Variants in FGGY observed in about 807,000 individuals in gnomAD.
FGGY encodes FGGY carbohydrate kinase domain containing.
Under a neutral mutation model 71.3 loss-of-function variants are expected in FGGY, and 72 were observed. The observed-to-expected ratio is 1.01, with a 90% CI of 0.84 to 1.23. FGGY has a LOEUF of 1.23. Ranked by LOEUF, FGGY falls within the 50% of genes most tolerant of loss-of-function variation. The pLI is 0.00. For synonymous variants in FGGY, 251 were observed against 250.3 expected, an observed-to-expected ratio of 1.00 and a Z score of -0.02; for missense variants, 668 against 682.3, an observed-to-expected ratio of 0.98 and a Z score of 0.23.
intron 8 of FGGY, among the ~76,000 whole-genome samples, chr1:59,586,773 T>C (rs2096297217): frequency 6.6e-6 from 1 of 151,922 alleles, no homozygotes; most frequent in Admixed American, 6.6e-5. Flanking sequence ...AGGTGACACA[T>C]TGAAGGACTT....
intron 9 of FGGY, among the ~76,000 whole-genome samples, chr1:59,623,503 A>G (rs967429945): frequency 8.5e-5 from 13 of 152,218 alleles, no homozygotes; most frequent in Non-Finnish European, 1.5e-4. Flanking sequence ...TGGTTCACTC[A>G]TCCCACATTT....
intron 5 of FGGY, among the ~76,000 whole-genome samples, chr1:59,450,124 A>G (rs190105511): frequency 6.4e-4 from 98 of 152,296 alleles, no homozygotes; most frequent in African/African-American, 2.3e-3. Context: ...TATATTCTAT[A>G]TAATTATTCC....
intron 5 of FGGY, among the ~76,000 whole-genome samples, chr1:59,439,630 A>G (rs547067853): frequency 1.3e-5 from 2 of 152,276 alleles, no homozygotes; most frequent in South Asian, 2.1e-4. Flanking sequence ...TTCTCCTCAG[A>G]TGATCGAAAC....
Position 59,418,722 on chromosome 1 carries a change from G to T in FGGY, c.555-38239G>T, listed in dbSNP as rs532002244. On this transcript the variant is annotated intron_variant, in intron 5 of 15. Transcript: ENST00000303721. ...CAGTTTTTTGATTTTTTCTTTTTTTGTGTGTGTGTGTGTGACTCAGTTCCC... is the reference window on the plus strand; with the variant it reads ...CAGTTTTTTGATTTTTTCTTTTTTTTTGTGTGTGTGTGTGACTCAGTTCCC... Among the ~76,000 whole-genome samples, 161 of 151,436 alleles carry T rather than the reference G, an allele frequency of 1.1e-3. 1 individual carries two copies. The highest frequency in any genetic ancestry group is 2.4e-3 in the African/African-American group (100 of 41,306).
intron 14 of FGGY, among the ~76,000 whole-genome samples, chr1:59,676,528 A>G (rs1235073682): frequency 6.6e-6 from 1 of 151,560 alleles, no homozygotes; most frequent in Non-Finnish European, 1.5e-5. Flanking sequence ...CTTCATTGAT[A>G]TCTTATTCAA....
At chr1:59,684,282 G>A (rs1285008478) in intron 14 of FGGY, among the ~76,000 whole-genome samples, 1 of 152,166 alleles carries the variant, frequency 6.6e-6, no homozygotes, top group African/African-American at 2.4e-5. Context: ...TACCTTGGGT[G>A]AGTTACTTAG....
chr1:59,425,499 G>T (rs1484843881), intron 5 of FGGY, among the ~76,000 whole-genome samples: 1 of 152,162 alleles, frequency 6.6e-6, no homozygotes, highest in African/African-American at 2.4e-5. Flanking sequence ...GTAGAGGAGG[G>T]AAAGGGAAAT....
chr1:59,511,521 G>A (rs929824258), intron 6 of FGGY, among the ~76,000 whole-genome samples: 4 of 152,106 alleles, frequency 2.6e-5, no homozygotes, highest in Admixed American at 6.5e-5. Context: ...TCTGTCTTAC[G>A]TGGTTCTCTG....
At chr1:59,354,994 G>A (rs2054027810) in intron 4 of FGGY, among the ~76,000 whole-genome samples, 1 of 152,202 alleles carries the variant, frequency 6.6e-6, no homozygotes, top group Non-Finnish European at 1.5e-5. Flanking sequence ...TATGAGCAAG[G>A]CACAGAGGCG....
intron 1 of FGGY, among the ~76,000 whole-genome samples, chr1:59,317,212 A>G (rs566025298): frequency 1.3e-5 from 2 of 152,166 alleles, no homozygotes; most frequent in Admixed American, 6.5e-5. Flanking sequence ...TGTTGTTCTT[A>G]TTGAAGAAGT....
intron 14 of FGGY, among the ~76,000 whole-genome samples, chr1:59,735,347 C>T (rs112699979): frequency 6.6e-6 from 1 of 152,122 alleles, no homozygotes; most frequent in African/African-American, 2.4e-5. Flanking sequence ...CATTTTTCTC[C>T]AACCTCTTTA....
At chr1:59,364,679 A>C (rs1571036464) in intron 4 of FGGY, among the ~76,000 whole-genome samples, 2 of 152,338 alleles carry the variant, frequency 1.3e-5, no homozygotes, top group Non-Finnish European at 2.9e-5. Context: ...TGGGAAATGC[A>C]GTGATAGGGA....
At chr1:59,622,109 C>A (rs1438381961) in intron 9 of FGGY, among the ~76,000 whole-genome samples, 1 of 151,962 alleles carries the variant, frequency 6.6e-6, no homozygotes, top group Non-Finnish European at 1.5e-5. Context: ...TTAGGCCCAT[C>A]TACTATATAT....
intron 8 of FGGY, among the ~76,000 whole-genome samples, chr1:59,566,908 A>G (rs994364990): frequency 3.3e-5 from 5 of 152,144 alleles, no homozygotes; most frequent in African/African-American, 4.8e-5. Context: ...ACATTATGGG[A>G]TGATACTAGT....
chr1:59,481,277 T>C lies in FGGY; in HGVS notation c.670+24201T>C, dbSNP rs149600617. On this transcript the variant is annotated intron_variant, in intron 6 of 15. Coordinates refer to ENST00000303721, the MANE Select transcript of FGGY (RefSeq NM_018291.5). The stretch of plus-strand genomic sequence containing the variant: ...ATTTTTAAAAATTTTAGAATGTTAG[T>C]ACTTAGAAAGAAACATTAGGGAGCA... Among the ~76,000 whole-genome samples the C allele has an allele frequency of 2.0e-3, 300 of 152,300 alleles. 3 individuals carry two copies. The highest frequency in any genetic ancestry group is 6.7e-3 in the African/African-American group (278 of 41,556).
intron 14 of FGGY, among the ~76,000 whole-genome samples, chr1:59,706,479 A>G (rs2097758348): frequency 6.6e-6 from 1 of 152,218 alleles, no homozygotes; most frequent in African/African-American, 2.4e-5. Flanking sequence ...CATATATGGT[A>G]TCTGAATTTG....
intron 6 of FGGY, among the ~76,000 whole-genome samples, chr1:59,490,117 C>G (rs1469065534): frequency 6.6e-6 from 1 of 152,142 alleles, no homozygotes; most frequent in East Asian, 1.9e-4. Flanking sequence ...GTGGCACAGT[C>G]ATAGCTCACT....
chr1:59,638,248 A>G lies in FGGY; in HGVS notation c.1094A>G (p.Tyr365Cys), dbSNP rs1309719585. Residue 365 changes from tyrosine (Y) to cysteine (C), a missense_variant, in exon 11 of 16, where the codon TAT becomes TGT. Coordinates refer to ENST00000303721, the MANE Select transcript of FGGY (RefSeq NM_018291.5). ...ATARCQSIYAYLNSHLDLIKK... is the reference protein window; with the variant it reads ...ATARCQSIYACLNSHLDLIKK... ...TCCAGATGCCAGAGTATATATGCAT[A>G]TTTGAACAGTCACCTGGATCTGATT... 38 of 1,614,060 alleles carry G rather than the reference A, an allele frequency of 2.4e-5. No homozygotes were observed. Among genetic ancestry groups the G allele is most frequent in the Non-Finnish European group, 3.1e-5 (37 of 1,180,038 alleles).
chr1:59,607,335 C>T (rs1028573297), intron 8 of FGGY, among the ~76,000 whole-genome samples: 17 of 152,250 alleles, frequency 1.1e-4, no homozygotes, highest in South Asian at 2.1e-4. Flanking sequence ...AACAGAAGCA[C>T]ACAGCCCTTT....
Sources: allele counts gnomAD v4.1 joint callset (sites outside exome capture counted in the v4.1 genomes callset), GRCh38; gene constraint gnomAD v4.1.1; transcripts MANE v1.5; gene names NCBI Gene and HGNC (gene_info 2026-07-23, HGNC 2026-07-21).